Variants in WDPCP observed in about 807,000 individuals in gnomAD.
The protein encoded by WDPCP is WD repeat containing planar cell polarity effector.
Under a neutral mutation model 93.1 loss-of-function variants are expected in WDPCP, and 71 were observed. The observed-to-expected ratio is 0.76, with a 90% CI of 0.63 to 0.93. The LOEUF (loss-of-function observed/expected upper bound fraction) is 0.93, where lower values mean the gene tolerates loss of function less well. Ranked by LOEUF, WDPCP falls within the 40% of genes least tolerant of loss-of-function variation. WDPCP has a pLI of 0.00. For missense variants in WDPCP, 844 were observed against 887.4 expected (o/e 0.95, Z 0.62); for synonymous variants, 315 against 315.0 (o/e 1.00, Z 0.00).
intron 6 of WDPCP, among the ~76,000 whole-genome samples, chr2:63,477,618 G>C (rs1429124042): frequency 1.3e-5 from 2 of 152,006 alleles, no homozygotes; most frequent in African/African-American, 2.4e-5. Flanking sequence ...AACTACCACA[G>C]GAACTTAACA....
intron 2 of WDPCP, among the ~76,000 whole-genome samples, chr2:63,665,272 G>A (rs1418054407): frequency 2.0e-5 from 3 of 152,154 alleles, no homozygotes; most frequent in Admixed American, 2.0e-4. Flanking sequence ...AACTGTGAGG[G>A]AAGAATCTGT....
chr2:63,152,847 A>G, intron 17 of WDPCP, 67 bp downstream of exon 17: 1 of 1,473,948 alleles, frequency 6.8e-7, no homozygotes, highest in Admixed American at 1.7e-5. Flanking sequence ...AGTTCAAAAT[A>G]ATCACATACA....
intron 1 of WDPCP, among the ~76,000 whole-genome samples, chr2:63,500,565 G>A (rs1701489649): frequency 6.6e-6 from 1 of 151,858 alleles, no homozygotes; most frequent in African/African-American, 2.4e-5. Flanking sequence ...GAGAAGTAAT[G>A]TTTTATCAAG....
chr2:63,649,931 G>A (rs1461233357), intron 3 of WDPCP, among the ~76,000 whole-genome samples: 1 of 152,172 alleles, frequency 6.6e-6, no homozygotes, highest in Non-Finnish European at 1.5e-5. Flanking sequence ...TGGCCAGAGA[G>A]GCTTAAACCA....
At chr2:63,469,007 A>G (rs951503958) in intron 6 of WDPCP, among the ~76,000 whole-genome samples, 2 of 152,186 alleles carry the variant, frequency 1.3e-5, no homozygotes, top group Non-Finnish European at 2.9e-5. Flanking sequence ...ACAAGAAAAA[A>G]AAAAGCCCAT....
chr2:63,550,220 CA>C (rs1705494755), intron 1 of WDPCP, among the ~76,000 whole-genome samples: 8 of 151,636 alleles, frequency 5.3e-5, no homozygotes, highest in African/African-American at 1.7e-4. Context: ...CACACACACA[CA>C]CACACACACA....
intron 14 of WDPCP, among the ~76,000 whole-genome samples, chr2:63,233,842 T>G (rs1679141800): frequency 6.6e-6 from 1 of 152,172 alleles, no homozygotes; most frequent in African/African-American, 2.4e-5. Context: ...GGTATGAGGT[T>G]GATCTGGTGC....
intron 14 of WDPCP, among the ~76,000 whole-genome samples, chr2:63,190,674 G>A (rs1458574092): frequency 6.6e-6 from 1 of 151,958 alleles, no homozygotes; most frequent in African/African-American, 2.4e-5. Context: ...GCTATAATAT[G>A]TGATTATATT....
chr2:63,612,359 C>T (rs548507196), intron 3 of WDPCP, among the ~76,000 whole-genome samples: 3 of 152,138 alleles, frequency 2.0e-5, no homozygotes, highest in South Asian at 2.1e-4. Flanking sequence ...TGTAGGGGAT[C>T]GAAATACGCC....
chr2:63,468,114 C>T (rs1443878051), intron 6 of WDPCP, among the ~76,000 whole-genome samples: 1 of 152,208 alleles, frequency 6.6e-6, no homozygotes, highest in African/African-American at 2.4e-5. Context: ...AACATTTGGC[C>T]TGGCTGAAAC....
chr2:63,379,752 A>G (rs1183778636), intron 11 of WDPCP, among the ~76,000 whole-genome samples: 2 of 152,190 alleles, frequency 1.3e-5, no homozygotes, highest in African/African-American at 4.8e-5. Context: ...ACTGGGTTCC[A>G]CTAATAAAAG....
At chr2:63,320,625 T>A (rs563239306) in intron 12 of WDPCP, among the ~76,000 whole-genome samples, 1 of 152,128 alleles carries the variant, frequency 6.6e-6, no homozygotes, top group East Asian at 1.9e-4. Flanking sequence ...TAATTCTAAG[T>A]GGACTGTAGA....
At chr2:63,216,170 C>T (rs921269676) in intron 14 of WDPCP, among the ~76,000 whole-genome samples, 2 of 152,156 alleles carry the variant, frequency 1.3e-5, no homozygotes, top group Non-Finnish European at 2.9e-5. Flanking sequence ...GGATCTAGAA[C>T]TGGAAATACG....
intron 13 of WDPCP, among the ~76,000 whole-genome samples, chr2:63,294,269 T>G (rs891552500): frequency 6.6e-6 from 1 of 152,074 alleles, no homozygotes; most frequent in Admixed American, 6.6e-5. Context: ...TTTGGGAGGC[T>G]GAGGCAGGCA....
intron 6 of WDPCP, 163 bp from the exon 7 acceptor site, chr2:63,440,034 G>A: frequency 1.6e-6 from 1 of 606,920 alleles, no homozygotes; most frequent in South Asian, 2.1e-5. Flanking sequence ...TACTGACATT[G>A]TGAGTAAAAA....
chr2:63,612,877 A>C (rs1000553664), intron 3 of WDPCP, among the ~76,000 whole-genome samples: 3 of 151,028 alleles, frequency 2.0e-5, no homozygotes, highest in African/African-American at 7.3e-5. Flanking sequence ...TAGGGGAAAA[A>C]TGTTATTTTT....
intron 2 of WDPCP, among the ~76,000 whole-genome samples, chr2:63,664,766 G>A (rs2106635032): frequency 6.6e-6 from 1 of 152,276 alleles, no homozygotes; most frequent in Middle Eastern, 3.4e-3. Context: ...AGTTAGTTGA[G>A]CACCTATATG....
intron 2 of WDPCP, among the ~76,000 whole-genome samples, chr2:63,690,507 C>A (rs1043499272): frequency 6.6e-5 from 10 of 152,116 alleles, no homozygotes; most frequent in Admixed American, 4.6e-4. Flanking sequence ...GTAATCCCAG[C>A]ACTTTGGAGG....
At chr2:63,622,092 G>GTTGTTT in intron 3 of WDPCP, 1 of 394,624 alleles carries the variant, frequency 2.5e-6, no homozygotes, top group Non-Finnish European at 3.5e-6. Flanking sequence ...TTTGGAAGTT[G>GTTGTTT]ATTTTTAATG....
Sources: gnomAD v4.1 joint callset for allele counts (sites outside exome capture counted in the v4.1 genomes callset) on GRCh38, gnomAD v4.1.1 for gene constraint, MANE v1.5 for transcripts, NCBI Gene and HGNC (gene_info 2026-07-23, HGNC 2026-07-21) for gene names.